NR3C2: variants seen among roughly 807,000 people sequenced by gnomAD.
The protein encoded by NR3C2 is mineralocorticoid receptor.
In NR3C2, 15 loss-of-function variants were observed where a neutral mutation model predicts 86.4. The observed-to-expected ratio is 0.17, with a 90% CI of 0.12 to 0.27. NR3C2 has a LOEUF of 0.27. Among genes scored for constraint, NR3C2 ranks in the 10% least tolerant of loss-of-function variants. The pLI is 1.00. For missense variants in NR3C2, 960 were observed against 1,195.6 expected (o/e 0.80, Z 2.91); for synonymous variants, 458 against 450.5 (o/e 1.02, Z -0.21).
chr4:148,140,756 G>A (rs1458381046), intron 6 of NR3C2, among the ~76,000 whole-genome samples: 1 of 152,086 alleles, frequency 6.6e-6, no homozygotes, highest in Non-Finnish European at 1.5e-5. Flanking sequence ...CCAGAATAAA[G>A]CTTGGATGTA....
chr4:148,337,080 C>A (rs965666689), intron 2 of NR3C2, among the ~76,000 whole-genome samples: 1 of 152,130 alleles, frequency 6.6e-6, no homozygotes, highest in African/African-American at 2.4e-5. Flanking sequence ...CAGGCGTGAG[C>A]CACCACACCC....
chr4:148,379,427 A>G (rs1489100283), intron 2 of NR3C2, among the ~76,000 whole-genome samples: 1 of 152,198 alleles, frequency 6.6e-6, no homozygotes, highest in East Asian at 1.9e-4. Flanking sequence ...GGCAACATGC[A>G]CAGTAAGCTC....
chr4:148,160,004 C>G (rs58470658), intron 4 of NR3C2, among the ~76,000 whole-genome samples: 1 of 152,166 alleles, frequency 6.6e-6, no homozygotes, highest in African/African-American at 2.4e-5. Flanking sequence ...TGTGTGTGCA[C>G]GTGCAGGGTA....
chr4:148,175,587 A>C (rs1167459309), intron 4 of NR3C2, among the ~76,000 whole-genome samples: 5 of 152,202 alleles, frequency 3.3e-5, no homozygotes. Flanking sequence ...ATGAAATTTA[A>C]GTTTTTGCTT....
intron 2 of NR3C2, among the ~76,000 whole-genome samples, chr4:148,282,492 G>A (rs546881458): frequency 1.3e-5 from 2 of 152,328 alleles, no homozygotes; most frequent in Admixed American, 1.3e-4. Flanking sequence ...ATAAGAGTAT[G>A]TGCATAAAAG....
At chr4:148,219,850 T>C (rs1320377453) in intron 3 of NR3C2, among the ~76,000 whole-genome samples, 2 of 152,238 alleles carry the variant, frequency 1.3e-5, no homozygotes, top group Non-Finnish European at 2.9e-5. Context: ...ATTTTTAAAA[T>C]GTCTTTTAAT....
At chr4:148,398,440 A>G (rs1200158544) in intron 2 of NR3C2, among the ~76,000 whole-genome samples, 1 of 152,230 alleles carries the variant, frequency 6.6e-6, no homozygotes, top group Non-Finnish European at 1.5e-5. Context: ...TATATAAAAT[A>G]TCACTTCTGT....
intron 2 of NR3C2, among the ~76,000 whole-genome samples, chr4:148,426,175 C>T (rs1363286018): frequency 1.3e-5 from 2 of 152,148 alleles, no homozygotes; most frequent in South Asian, 4.1e-4. Flanking sequence ...AATATACTCC[C>T]AAGAGTAAGC....
chr4:148,184,655 C>T (rs552227396), intron 4 of NR3C2, among the ~76,000 whole-genome samples: 1 of 152,184 alleles, frequency 6.6e-6, no homozygotes, highest in African/African-American at 2.4e-5. Flanking sequence ...ACCTTCCTAG[C>T]AAGTGCTTTT....
intron 2 of NR3C2, among the ~76,000 whole-genome samples, chr4:148,338,459 T>A (rs1010463535): frequency 3.3e-5 from 5 of 152,244 alleles, no homozygotes; most frequent in Non-Finnish European, 5.9e-5. Context: ...GAAATCTTAC[T>A]ATGCACTTCA....
At chr4:148,191,559 T>C (rs1478841226) in intron 4 of NR3C2, among the ~76,000 whole-genome samples, 1 of 152,240 alleles carries the variant, frequency 6.6e-6, no homozygotes, top group African/African-American at 2.4e-5. Context: ...TTTTTCTCGA[T>C]TATTCCCCCA....
At chr4:148,233,059 T>C (rs1438563917) in intron 3 of NR3C2, among the ~76,000 whole-genome samples, 1 of 152,222 alleles carries the variant, frequency 6.6e-6, no homozygotes, top group Non-Finnish European at 1.5e-5. Context: ...CATATCAGCA[T>C]TAAGACTGAT....
intron 3 of NR3C2, among the ~76,000 whole-genome samples, chr4:148,202,729 C>G (rs969906958): frequency 2.8e-4 from 43 of 152,066 alleles, no homozygotes; most frequent in Non-Finnish European, 1.2e-4. Flanking sequence ...AAATACGGAC[C>G]CATACAGAGT....
chr4:148,369,453 T>C, intron 2 of NR3C2, among the ~76,000 whole-genome samples: 1 of 152,156 alleles, frequency 6.6e-6, no homozygotes, highest in East Asian at 1.9e-4. Context: ...CCCCAAATGG[T>C]AGCATTATCA....
chr4:148,101,118 G>A (rs1214781759), intron 8 of NR3C2, among the ~76,000 whole-genome samples: 1 of 152,104 alleles, frequency 6.6e-6, no homozygotes, highest in African/African-American at 2.4e-5. Flanking sequence ...CACCCACACT[G>A]TACACTGAAA....
chr4:148,293,664 T>C (rs978416758), intron 2 of NR3C2, among the ~76,000 whole-genome samples: 2 of 152,212 alleles, frequency 1.3e-5, no homozygotes, highest in Non-Finnish European at 2.9e-5. Context: ...ATAAATCATT[T>C]AGGGTCTGGC....
chr4:148,350,697 A>G (rs571169858), intron 2 of NR3C2, among the ~76,000 whole-genome samples: 1 of 152,262 alleles, frequency 6.6e-6, no homozygotes, highest in South Asian at 2.1e-4. Context: ...CATTCAGACC[A>G]CACTCTAATC....
intron 3 of NR3C2, among the ~76,000 whole-genome samples, chr4:148,206,146 T>G (rs1050373773): frequency 6.6e-6 from 1 of 152,152 alleles, no homozygotes; most frequent in Non-Finnish European, 1.5e-5. Flanking sequence ...CAGATGACTC[T>G]TTCCAAAGAA....
intron 6 of NR3C2, among the ~76,000 whole-genome samples, chr4:148,144,442 C>T (rs1163130184): frequency 1.3e-5 from 2 of 152,158 alleles, no homozygotes; most frequent in Non-Finnish European, 2.9e-5. Context: ...TTCCTCCTGC[C>T]TCAGCTTCCC....
Sources: allele counts gnomAD v4.1 joint callset (sites outside exome capture counted in the v4.1 genomes callset), GRCh38; gene constraint gnomAD v4.1.1; transcripts MANE v1.5; gene names NCBI Gene and HGNC (gene_info 2026-07-23, HGNC 2026-07-21).